ZBTB7C: variants seen among roughly 807,000 people sequenced by gnomAD.
The protein encoded by ZBTB7C is zinc finger and BTB domain-containing protein 7C.
In ZBTB7C, 8 loss-of-function variants were observed where a neutral mutation model predicts 25.7. The observed-to-expected ratio is 0.31, with a 90% confidence interval of 0.18 to 0.56. The LOEUF is 0.56. Among genes scored for constraint, ZBTB7C ranks in the 20% least tolerant of loss-of-function variants. The probability of loss-of-function intolerance (pLI) is 0.91; values close to 1 mark genes in which losing one functional copy is unlikely to be tolerated. For synonymous variants in ZBTB7C, 394 were observed against 369.0 expected, an observed-to-expected ratio of 1.07 and a Z score of -0.78; for missense variants, 824 against 855.2, an observed-to-expected ratio of 0.96 and a Z score of 0.46.
In ZBTB7C at chr18:48,026,913, T is replaced by C. The variant is rs1201762162; in HGVS notation, c.*2347A>G. 6.6e-6 allele frequency: 1 copy of C among 151,934 alleles called. No homozygotes were observed. Among genetic ancestry groups the C allele is most frequent in the Admixed American group, 6.6e-5 (1 of 15,260 alleles). The allele number at this position is 151,934 out of a possible 1,614,324, so 9.4% of individuals were successfully genotyped here. A position where few individuals can be genotyped will look rare whatever the true frequency, so the allele number is the denominator to read the frequency against. On this transcript the variant is annotated 3_prime_UTR_variant, in exon 5 of 5. Transcript: ENST00000590800. ...AAGTCAATTAATACTGTTTAATAAA[T>C]AGGCCAGAAAATTAGCTGAGAGTTT...
chr18:48,394,722 G>C (rs1186255235), intron 1 of ZBTB7C, among the ~76,000 whole-genome samples: 2 of 152,104 alleles, frequency 1.3e-5, no homozygotes, highest in African/African-American at 4.8e-5. Flanking sequence ...AATTAGCCAG[G>C]TTCTACTACT....
intron 3 of ZBTB7C, among the ~76,000 whole-genome samples, chr18:48,119,529 A>T (rs2039556842): frequency 6.6e-6 from 1 of 152,176 alleles, no homozygotes; most frequent in African/African-American, 2.4e-5. Context: ...GGCATTTCTC[A>T]TTTGTATTCT....
chr18:48,349,183 C>G (rs566463152), intron 1 of ZBTB7C, among the ~76,000 whole-genome samples: 1 of 152,310 alleles, frequency 6.6e-6, no homozygotes, highest in South Asian at 2.1e-4. Flanking sequence ...GTCACAGCAT[C>G]CTGGCCATAC....
intron 1 of ZBTB7C, among the ~76,000 whole-genome samples, chr18:48,343,532 C>T (rs202159411): frequency 3.9e-5 from 6 of 152,152 alleles, no homozygotes; most frequent in East Asian, 1.9e-4. Flanking sequence ...CTCTGGAGGC[C>T]GCATTGCTGG....
At chr18:48,221,883 T>TC (rs1161891075) in intron 2 of ZBTB7C, among the ~76,000 whole-genome samples, 1 of 147,196 alleles carries the variant, frequency 6.8e-6, no homozygotes, top group East Asian at 2.0e-4. Context: ...TGTCCTAGTC[T>TC]CCTCTATACT....
chr18:48,159,876 C>T (rs1033080445), intron 3 of ZBTB7C, among the ~76,000 whole-genome samples: 1 of 152,184 alleles, frequency 6.6e-6, no homozygotes, highest in African/African-American at 2.4e-5. Context: ...GGGCCTCCAG[C>T]CCCCAGAGAT....
intron 1 of ZBTB7C, among the ~76,000 whole-genome samples, chr18:48,371,201 G>T (rs1424779456): frequency 6.6e-6 from 1 of 152,114 alleles, no homozygotes; most frequent in Non-Finnish European, 1.5e-5. Context: ...GCAGCCCCAG[G>T]AACAACTGAC....
At chr18:48,214,783 A>G (rs923476040) in intron 2 of ZBTB7C, among the ~76,000 whole-genome samples, 1 of 152,218 alleles carries the variant, frequency 6.6e-6, no homozygotes, top group Admixed American at 6.5e-5. Flanking sequence ...CTACTTTTTA[A>G]GGCTAAATAA....
chr18:48,040,388 G>A lies in ZBTB7C; in HGVS notation c.720C>T (p.Asn240=), dbSNP rs368399695. 1 of 1,612,176 alleles carries A rather than the reference G, an allele frequency of 6.2e-7. No homozygotes were observed. Among genetic ancestry groups the A allele is most frequent in the African/African-American group, 1.3e-5 (1 of 75,000 alleles). The change falls in exon 4 of 5, where the codon AAC becomes AAT. Residue 240 remains asparagine, a synonymous_variant. Coordinates refer to ENST00000590800, the MANE Select transcript of ZBTB7C (RefSeq NM_001318841.2). Reference sequence around the variant, plus strand: ...ACAAGGAGGGTCTCCTGTCGGGGATGTTGGCCTTGGGGTACAGGTTCTCCC... The same window carrying A: ...ACAAGGAGGGTCTCCTGTCGGGGATATTGGCCTTGGGGTACAGGTTCTCCC... ...LLRENLYPKA[N]IPDRRPSLSP... is the part of the protein sequence containing the mutation.
At chr18:48,370,621 G>A (rs1220510855) in intron 1 of ZBTB7C, among the ~76,000 whole-genome samples, 1 of 152,034 alleles carries the variant, frequency 6.6e-6, no homozygotes, top group Non-Finnish European at 1.5e-5. Flanking sequence ...ACAACTGCAT[G>A]CAAATCTACA....
intron 1 of ZBTB7C, among the ~76,000 whole-genome samples, chr18:48,384,292 A>G (rs1485436338): frequency 6.6e-6 from 1 of 152,230 alleles, no homozygotes; most frequent in Non-Finnish European, 1.5e-5. Flanking sequence ...CTTGGCAAGC[A>G]TAGCTTTAAG....
At chr18:48,334,629 C>T (rs945731412) in intron 2 of ZBTB7C, among the ~76,000 whole-genome samples, 8 of 152,160 alleles carry the variant, frequency 5.3e-5, no homozygotes, top group Non-Finnish European at 1.2e-4. Context: ...GGGCAGTGGC[C>T]AGAGCTGCCA....
At position 48,104,298 on chromosome 18, in the gene ZBTB7C, C is replaced by T. The variant is rs527740511; in HGVS notation, c.-16-63175G>A. The stretch of plus-strand genomic sequence containing the variant: ...GTTAAAAAGAGCCTGGTACCTTCCT[C>T]TCCTCTCTCTCTCCTGCTTCCTTCC... On this transcript the variant is annotated intron_variant, in intron 3 of 4. Transcript: ENST00000590800. Among the ~76,000 whole-genome samples the T allele has an allele frequency of 9.2e-5, 14 of 152,238 alleles. No individual in the cohort carries two copies. The East Asian group carries it at 2.7e-3, about 29-fold the overall frequency.
intron 2 of ZBTB7C, among the ~76,000 whole-genome samples, chr18:48,238,181 G>A (rs1599163902): frequency 1.3e-5 from 2 of 152,122 alleles, no homozygotes; most frequent in African/African-American, 2.4e-5. Flanking sequence ...TAAAGTGGGT[G>A]GCTTTAAGTT....
intron 2 of ZBTB7C, among the ~76,000 whole-genome samples, chr18:48,259,760 AT>A (rs1212782066): frequency 1.3e-5 from 2 of 152,214 alleles, no homozygotes; most frequent in African/African-American, 4.8e-5. Context: ...CCCATGAAAA[AT>A]GTTCTGTGTC....
intron 3 of ZBTB7C, among the ~76,000 whole-genome samples, chr18:48,085,807 T>A (rs2038169843): frequency 6.6e-6 from 1 of 152,186 alleles, no homozygotes; most frequent in African/African-American, 2.4e-5. Flanking sequence ...ATGTCTGGAA[T>A]CTTCAGAGAC....
chr18:48,165,563 G>C (rs2041215956), intron 3 of ZBTB7C: 1 of 172,592 alleles, frequency 5.8e-6, no homozygotes, highest in Non-Finnish European at 1.2e-5. Flanking sequence ...TGTTCCTGTT[G>C]TGCAATGAGC....
intron 3 of ZBTB7C, among the ~76,000 whole-genome samples, chr18:48,060,513 C>A (rs2037088843): frequency 6.6e-6 from 1 of 152,140 alleles, no homozygotes; most frequent in Non-Finnish European, 1.5e-5. Flanking sequence ...GTTCCCTCCA[C>A]CTTCCAATAC....
intron 1 of ZBTB7C, among the ~76,000 whole-genome samples, chr18:48,385,097 G>A (rs2047718012): frequency 6.6e-6 from 1 of 152,200 alleles, no homozygotes; most frequent in African/African-American, 2.4e-5. Flanking sequence ...GACTCATGGT[G>A]CTAGGTGCAA....
Sources: gnomAD v4.1 joint callset for allele counts (sites outside exome capture counted in the v4.1 genomes callset) on GRCh38, gnomAD v4.1.1 for gene constraint, MANE v1.5 for transcripts, NCBI Gene and HGNC (gene_info 2026-07-23, HGNC 2026-07-21) for gene names.